CROCC: variants seen among roughly 807,000 people sequenced by gnomAD.
CROCC encodes the protein ciliary rootlet coiled-coil, rootletin.
Under a neutral mutation model 245.2 loss-of-function variants are expected in CROCC, and 180 were observed. That is an observed-to-expected ratio of 0.73 (90% CI 0.65 to 0.83). The LOEUF is 0.83. Among genes scored for constraint, CROCC ranks in the 40% least tolerant of loss-of-function variants. CROCC has a pLI of 0.00. For missense variants in CROCC, 2,688 were observed against 2,779.4 expected (o/e 0.97, Z 0.74); for synonymous variants, 1,205 against 1,241.6 (o/e 0.97, Z 0.62).
intron 23 of CROCC, 42 bp from the exon 24 acceptor site, chr1:16,955,270 G>T (rs748389213): frequency 2.5e-5 from 40 of 1,584,270 alleles, no homozygotes; most frequent in South Asian, 2.2e-5. Flanking sequence ...TTGACGGGGG[G>T]GTCCCTGACC....
At position 16,944,155 on chromosome 1, in the gene CROCC, C is replaced by T. The variant is rs1219113102; in HGVS notation, c.1864C>T (p.Leu622=). The change falls in exon 14 of 37, where the codon CTG becomes TTG. Residue 622 remains leucine, a synonymous_variant. Coordinates refer to ENST00000375541, the MANE Select transcript of CROCC (RefSeq NM_014675.5). The stretch of plus-strand genomic sequence containing the variant: ...GGTGGCCCAGCAGCAGGCCGAGGAG[C>T]TGCGGCAGGAGCGGGAGAAGCTGCA... ...LQVAQQQAEE[L]RQEREKLQAA... is the part of the protein sequence containing the mutation. The T allele has an allele frequency of 3.2e-6, 5 of 1,559,182 alleles. No individual in the cohort carries two copies. In the Admixed American group the frequency reaches 9.7e-5, roughly 30 times the overall value.
At chr1:16,928,137 G>A (rs1223026456) in intron 3 of CROCC, among the ~76,000 whole-genome samples, 1 of 152,292 alleles carries the variant, frequency 6.6e-6, no homozygotes, top group African/African-American at 2.4e-5. Context: ...CCCTGCACGG[G>A]TGGGCTTTTG....
rs45452999 is a variant in CROCC at position 16,940,091 on chromosome 1, C to G, written c.1806C>G (p.Ser602Arg). The G allele has an allele frequency of 1.1e-5, 17 of 1,599,748 alleles. No individual in the cohort carries two copies. Among genetic ancestry groups the G allele is most frequent in the Non-Finnish European group, 1.4e-5 (16 of 1,174,832 alleles). ...QRLRSANELL[S>R]REKSNLAHSL... Reference sequence around the variant, plus strand: ...TGCGGAGCGCCAACGAGCTCCTGAGCAGGTGCCGGGGAGGTCTGAGCTGGG... The same window carrying G: ...TGCGGAGCGCCAACGAGCTCCTGAGGAGGTGCCGGGGAGGTCTGAGCTGGG... Residue 602 changes from serine (S) to arginine (R), a missense_variant and splice_region_variant, in exon 13 of 37, where the codon AGC becomes AGG. By Grantham distance (110) the Ser-to-Arg change is moderately radical. This residue lies in a region of CROCC where 972 missense variants were observed against 895.3 expected (regional missense o/e 1.09). Coordinates refer to ENST00000375541, the MANE Select transcript of CROCC (RefSeq NM_014675.5).
chr1:16,965,731 G>C lies in CROCC; in HGVS notation c.4414G>C (p.Glu1472Gln). The C allele has an allele frequency of 6.2e-7, 1 of 1,607,508 alleles. No individual in the cohort carries two copies. Among genetic ancestry groups the C allele is most frequent in the Non-Finnish European group, 8.5e-7 (1 of 1,174,518 alleles). ...ARDAPAEGSG[E>Q]GLNSPSTLEC... is the part of the protein sequence containing the mutation. ...TCTTCTTTCTCTTCTAGGAAGCGGGGAAGGGCTCAACAGCCCCAGCACCTT... is the reference window on the plus strand; with the variant it reads ...TCTTCTTTCTCTTCTAGGAAGCGGGCAAGGGCTCAACAGCCCCAGCACCTT... Residue 1472 changes from glutamate (E) to glutamine (Q), a missense_variant, in exon 28 of 37, where the codon GAA (glutamate) becomes CAA (glutamine). This residue lies in a region of CROCC where 1,218 missense variants were observed against 1,286.3 expected (regional missense o/e 0.95). Coordinates refer to ENST00000375541, the MANE Select transcript of CROCC (RefSeq NM_014675.5).
At position 16,954,384 on chromosome 1, in the gene CROCC, C is replaced by CT. The variant is rs774413156; in HGVS notation, c.3321+28dup. On this transcript the variant is annotated intron_variant, in intron 22 of 36. Coordinates refer to ENST00000375541, the MANE Select transcript of CROCC (RefSeq NM_014675.5). This position sits in a 1 kb window ranked among gnomAD's most constrained non-coding sequence, Gnocchi z 4.4. ...TAGGGCAGGCTGGGCAGCTGGGCCT[C>CT]TGTCTCATAGAGAGGCACATCCCTG... is the stretch of plus-strand genomic sequence containing the variant. 1.9e-6 allele frequency: 3 copies of CT among 1,601,922 alleles called. No individual in the cohort carries two copies. The highest frequency in any genetic ancestry group is 2.6e-6 in the Non-Finnish European group (3 of 1,173,680).
chr1:16,961,025 G>A lies in CROCC; in HGVS notation c.4300G>A (p.Gly1434Ser), dbSNP rs1186045528. 9 of 1,308,868 alleles carry A rather than the reference G, an allele frequency of 6.9e-6. No homozygotes were observed. The highest frequency in any genetic ancestry group is 1.6e-5 in the African/African-American group (1 of 64,454). 81.1% of individuals were successfully genotyped at this position (1,308,868 alleles called of 1,614,324 possible). Residue 1434 changes from glycine to serine, a missense_variant, in exon 27 of 37, where the codon GGT becomes AGT. By Grantham distance (56) the Gly-to-Ser change is moderately conservative (BLOSUM62 0). Around this residue, in one of 9 missense-constraint regions of CROCC, gnomAD observed 1,218 missense variants for 1,286.3 expected, o/e 0.95. Coordinates refer to ENST00000375541, the MANE Select transcript of CROCC (RefSeq NM_014675.5). Reference protein sequence around the residue: ...VQRRAAEAQLGGLRSALRRGL... With the variant: ...VQRRAAEAQLSGLRSALRRGL... The stretch of plus-strand genomic sequence containing the variant: ...GCGGCGCGCGGCGGAGGCCCAGCTG[G>A]GTGGCCTGCGCTCGGCTCTGCGCCG...
intron 30 of CROCC, among the ~76,000 whole-genome samples, chr1:16,967,951 A>G (rs2076445629): frequency 6.6e-6 from 1 of 152,154 alleles, no homozygotes; most frequent in Non-Finnish European, 1.5e-5. Flanking sequence ...TAGGGCGCGA[A>G]GGGGCAGTCC....
intron 27 of CROCC, among the ~76,000 whole-genome samples, chr1:16,964,839 C>T (rs767491082): frequency 4.6e-5 from 7 of 152,230 alleles, no homozygotes; most frequent in Admixed American, 1.3e-4. Context: ...CATGCCACCA[C>T]GCCCAGCTAA....
In CROCC at chr1:16,972,522, C is replaced by CCA. The variant is rs68147645; in HGVS notation, c.*76_*77insCA. On this transcript the variant is annotated 3_prime_UTR_variant, in exon 37 of 37. Transcript: ENST00000375541. ...CCTTCTTTTGGACAGCCCCCCCACC[C>CCA]AGAGCCCGGTCCCTTGGGGGCCTCA... is the stretch of plus-strand genomic sequence containing the variant. 1 of 944,788 alleles carries CCA rather than the reference C, an allele frequency of 1.1e-6. No homozygotes were observed. The highest frequency in any genetic ancestry group is 1.7e-5 in the African/African-American group (1 of 57,206). The allele number at this position is 944,788 out of a possible 1,614,324, so 58.5% of individuals were successfully genotyped here. A position where few individuals can be genotyped will look rare whatever the true frequency, so the allele number is the denominator to read the frequency against.
At chr1:16,925,141 C>T (rs574142808) in intron 3 of CROCC, among the ~76,000 whole-genome samples, 5 of 152,368 alleles carry the variant, frequency 3.3e-5, no homozygotes, top group Admixed American at 6.5e-5. Context: ...TCCGGGTGGC[C>T]GGGAGGTGGC....
intron 13 of CROCC, among the ~76,000 whole-genome samples, chr1:16,943,768 G>C (rs1171669191): frequency 3.9e-5 from 6 of 152,386 alleles, no homozygotes; most frequent in African/African-American, 1.4e-4. Context: ...GACATTTCCT[G>C]GTCACATGGC....
intron 26 of CROCC, 112 bp downstream of exon 26, chr1:16,958,862 TC>T: frequency 8.2e-7 from 1 of 1,214,004 alleles, no homozygotes; most frequent in South Asian, 1.5e-5. Flanking sequence ...GCTTGCTCCT[TC>T]CCCCACTCCT....
intron 2 of CROCC, among the ~76,000 whole-genome samples, chr1:16,924,054 G>C (rs2075472804): frequency 6.6e-6 from 1 of 152,278 alleles, no homozygotes; most frequent in Non-Finnish European, 1.5e-5. Context: ...AAGAACTCAG[G>C]GGTCTCCTGG....
At chr1:16,914,247 CTG>C (rs1189079835) in intron 1 of CROCC, among the ~76,000 whole-genome samples, 15 of 152,120 alleles carry the variant, frequency 9.9e-5, no homozygotes, top group African/African-American at 3.4e-4. Context: ...GCTGGGGGCG[CTG>C]TGTGTTCCGC....
At chr1:16,916,235 G>A (rs996129909) in intron 1 of CROCC, among the ~76,000 whole-genome samples, 2 of 152,206 alleles carry the variant, frequency 1.3e-5, no homozygotes, top group African/African-American at 4.8e-5. Context: ...TGGGAAAAGT[G>A]GAGTGGGGCC....
In CROCC at chr1:16,939,041, C is replaced by G. The variant is rs1367026070; in HGVS notation, c.1507C>G (p.Arg503Gly). 1.3e-5 allele frequency: 20 copies of G among 1,592,570 alleles called. No individual in the cohort carries two copies. Among genetic ancestry groups the G allele is most frequent in the Non-Finnish European group, 1.7e-5 (20 of 1,172,968 alleles). ...CCCACCGCGGCGCTCCTCGCCCGGC[C>G]GAGGCCGTTCACCCCGCCGAGGCCC... ...PSPPRRSSPG[R>G]GRSPRRGPSP... Residue 503 changes from arginine (R) to glycine (G), a missense_variant, in exon 12 of 37, where the codon CGA (arginine) becomes GGA (glycine). Arg to Gly is a moderately radical substitution (Grantham distance 125). Coordinates refer to ENST00000375541, the MANE Select transcript of CROCC (RefSeq NM_014675.5).
intron 20 of CROCC, 114 bp downstream of exon 20, chr1:16,951,236 T>C (rs1480510906): frequency 1.0e-5 from 10 of 996,900 alleles, no homozygotes; most frequent in African/African-American, 3.4e-5. Context: ...GTTGTGGAGG[T>C]CCTGGGGACA....
rs931140840 is a variant in CROCC at position 16,971,584 on chromosome 1, T to C, written c.5904T>C (p.Thr1968=). ...VERLRSAQAQ[T]ERTLEARERA... ...GGCTGCGCAGCGCCCAGGCGCAGAC[T>C]GAGCGCACCCTGGAGGCTCGGGAGC... Residue 1968 remains threonine, a synonymous_variant, in exon 36 of 37, where the codon ACT becomes ACC. Coordinates refer to ENST00000375541, the MANE Select transcript of CROCC (RefSeq NM_014675.5). 4.2e-5 allele frequency: 65 copies of C among 1,532,110 alleles called. No individual in the cohort carries two copies. Among genetic ancestry groups the C allele is most frequent in the Non-Finnish European group, 5.6e-5 (64 of 1,142,458 alleles). The allele number at this position is 1,532,110 out of a possible 1,614,324, so 94.9% of individuals were successfully genotyped here. A position where few individuals can be genotyped will look rare whatever the true frequency, so the allele number is the denominator to read the frequency against.
chr1:16,966,627 T>C lies in CROCC; in HGVS notation c.4860+56T>C. 2.8e-6 allele frequency: 4 copies of C among 1,425,886 alleles called. No homozygotes were observed. Among genetic ancestry groups the C allele is most frequent in the East Asian group, 2.6e-5 (1 of 39,004 alleles). The allele number at this position is 1,425,886 out of a possible 1,614,324, so 88.3% of individuals were successfully genotyped here. A position where few individuals can be genotyped will look rare whatever the true frequency, so the allele number is the denominator to read the frequency against. On this transcript the variant is annotated intron_variant, in intron 30 of 36. Transcript: ENST00000375541. This position sits in a 1 kb window ranked among gnomAD's most constrained non-coding sequence, Gnocchi z 4.8. ...CGGGGAATCTGTGTACCCGAGTGAGTGTCTAACTCTTATGTGTGTCTCCCT... is the reference window on the plus strand; with the variant it reads ...CGGGGAATCTGTGTACCCGAGTGAGCGTCTAACTCTTATGTGTGTCTCCCT...
Sources: allele counts gnomAD v4.1 joint callset (sites outside exome capture counted in the v4.1 genomes callset), GRCh38; gene constraint gnomAD v4.1.1; regional missense constraint gnomAD v4.1.1; non-coding constraint Gnocchi (gnomAD v3.1); transcripts MANE v1.5; gene names NCBI Gene and HGNC (gene_info 2026-07-23, HGNC 2026-07-21).